The following TCL1B variants were observed in gnomAD, a reference collection of about 807,000 sequenced individuals.
TCL1B encodes T-cell leukemia/lymphoma protein 1B.
In TCL1B, 14 loss-of-function variants were observed where a neutral mutation model predicts 16.9. The ratio of observed to expected loss-of-function variants is 0.83; its 90% confidence interval spans 0.55 to 1.30. TCL1B has a LOEUF of 1.30. Ranked by LOEUF, TCL1B falls within the 50% of genes most tolerant of loss-of-function variation. The pLI, the probability that TCL1B is intolerant of heterozygous loss-of-function variation, is 0.00. For synonymous variants in TCL1B, 79 were observed against 66.6 expected, an observed-to-expected ratio of 1.19 and a Z score of -0.91; for missense variants, 166 against 165.2, an observed-to-expected ratio of 1.00 and a Z score of -0.03.
Position 95,686,692 on chromosome 14 carries a change from G to T in TCL1B, c.162+63G>T, listed in dbSNP as rs1885769038. The T allele has an allele frequency of 6.6e-6, 10 of 1,506,386 alleles. No homozygotes were observed. The East Asian group carries it at 2.1e-4, about 31-fold the overall frequency. 93.3% of individuals were successfully genotyped at this position (1,506,386 alleles called of 1,614,324 possible). On this transcript the variant is annotated intron_variant, in intron 1 of 3. Transcript: ENST00000340722. ...TGCGCACTGACCCCTGCCCGTGTGGGACCGCGGTGGGGGTCAGAGGGGGCC... is the reference window on the plus strand; with the variant it reads ...TGCGCACTGACCCCTGCCCGTGTGGTACCGCGGTGGGGGTCAGAGGGGGCC...
intron 1 of TCL1B, among the ~76,000 whole-genome samples, chr14:95,687,193 ATTAAT>A (rs775649525): frequency 2.0e-5 from 3 of 152,208 alleles, no homozygotes; most frequent in Non-Finnish European, 4.4e-5. Flanking sequence ...GATTCTGGAA[ATTAAT>A]TCAGGAGGCT....
At chr14:95,691,565 C>CATTT (rs1273772708) in intron 3 of TCL1B, 4 of 435,530 alleles carry the variant, frequency 9.2e-6, no homozygotes, top group Non-Finnish European at 1.6e-5. Flanking sequence ...TAAGACTCAT[C>CATTT]ATTTAATCCT....
At chr14:95,688,497 A>G (rs1489687759) in intron 1 of TCL1B, among the ~76,000 whole-genome samples, 1 of 152,238 alleles carries the variant, frequency 6.6e-6, no homozygotes, top group Non-Finnish European at 1.5e-5. Flanking sequence ...TGGTGCAGCC[A>G]CTATGGAAAA....
chr14:95,688,533 A>G (rs1368059402), intron 1 of TCL1B, among the ~76,000 whole-genome samples: 2 of 152,200 alleles, frequency 1.3e-5, no homozygotes, highest in African/African-American at 2.4e-5. Flanking sequence ...TCAAAGAAAG[A>G]ATTACGGCAT....
chr14:95,688,963 C>G (rs1387063015), intron 1 of TCL1B, among the ~76,000 whole-genome samples: 2 of 152,140 alleles, frequency 1.3e-5, no homozygotes, highest in African/African-American at 4.8e-5. Context: ...TTCCACATGT[C>G]AATGCACTTA....
At chr14:95,689,104 G>GA (rs1566740111) in intron 1 of TCL1B, among the ~76,000 whole-genome samples, 6 of 151,862 alleles carry the variant, frequency 4.0e-5, no homozygotes, top group African/African-American at 7.3e-5. Flanking sequence ...GGCTAACACG[G>GA]TGAAACCCCG....
At position 95,690,812 on chromosome 14, in the gene TCL1B, C is replaced by T. The variant is rs780139441; in HGVS notation, c.239C>T (p.Pro80Leu). The T allele has an allele frequency of 1.2e-6, 2 of 1,614,222 alleles. No homozygotes were observed. The highest frequency in any genetic ancestry group is 1.7e-6 in the Non-Finnish European group (2 of 1,180,038). The change falls in exon 2 of 4, where the codon CCC becomes CTC. Residue 80 changes from proline to leucine, a missense_variant. Coordinates refer to ENST00000340722, the MANE Select transcript of TCL1B (RefSeq NM_004918.4). ...GAGCTACTCTCCTCCGGCCAGATGC[C>T]CTTCTCCCAGCTGCCCGCCGTGTGG... The part of the protein sequence containing the change: ...TRELLSSGQM[P>L]FSQLPAVWQL...
intron 1 of TCL1B, among the ~76,000 whole-genome samples, chr14:95,687,428 C>T (rs56111147): frequency 0.42 from 63,378 of 151,950 alleles, 13,832 homozygotes; most frequent in South Asian, 0.56. Flanking sequence ...GTAGTAATTA[C>T]ATATAACCTC....
At chr14:95,686,721 C>T in intron 1 of TCL1B, 92 bp downstream of exon 1, 1 of 1,402,210 alleles carries the variant, frequency 7.1e-7, no homozygotes, top group Non-Finnish European at 9.5e-7. Context: ...GGGGGCCGTT[C>T]TCACCCGCAC....
intron 1 of TCL1B, among the ~76,000 whole-genome samples, chr14:95,688,498 C>T (rs942318695): frequency 1.3e-5 from 2 of 152,146 alleles, no homozygotes; most frequent in African/African-American, 4.8e-5. Flanking sequence ...GGTGCAGCCA[C>T]TATGGAAAAC....
intron 1 of TCL1B, 76 bp from the exon 2 acceptor site, chr14:95,690,660 T>G: frequency 6.7e-7 from 1 of 1,495,982 alleles, no homozygotes; most frequent in Non-Finnish European, 9.1e-7. Context: ...GGCAGCCCAC[T>G]GGCCATTGCT....
At chr14:95,689,383 C>T (rs1260889210) in intron 1 of TCL1B, 5 of 151,758 alleles carry the variant, frequency 3.3e-5, no homozygotes, top group East Asian at 1.9e-4. Flanking sequence ...AACTTAGCCA[C>T]GGGTGGGATA....
At chr14:95,691,157 C>G in intron 2 of TCL1B, 111 bp from the exon 3 acceptor site, 1 of 1,314,038 alleles carries the variant, frequency 7.6e-7, no homozygotes, top group African/African-American at 1.5e-5. Context: ...AGCTGGAGTT[C>G]CCACCTGCCT....
Position 95,686,460 on chromosome 14 carries a change from G to C in TCL1B, c.-8G>C. The C allele has an allele frequency of 6.3e-7, 1 of 1,582,294 alleles. No individual in the cohort carries two copies. The highest frequency in any genetic ancestry group is 1.3e-5 in the African/African-American group (1 of 74,496). The stretch of plus-strand genomic sequence containing the variant: ...AGCCTAGAGGCGGGTCCCGGTTGCA[G>C]ACTTGCCATGGCCTCCGAAGCTTCT... On this transcript the variant is annotated 5_prime_UTR_variant, in exon 1 of 4. Coordinates refer to ENST00000340722, the MANE Select transcript of TCL1B (RefSeq NM_004918.4).
rs1254068213 is a variant in TCL1B, at chr14:95,691,050, T to TG, written c.333+145dup. 2.7e-6 allele frequency: 3 copies of TG among 1,128,142 alleles called. No individual in the cohort carries two copies. In the East Asian group the frequency reaches 7.8e-5, roughly 29 times the overall value. The allele number at this position is 1,128,142 out of a possible 1,614,324, so 69.9% of individuals were successfully genotyped here. Reference sequence around the variant, plus strand: ...AAGTCTTCCTTCAAGGAGGCCTGAGTGTGTGTGGGTGGATCGGTGCATGAG... The same window carrying TG: ...AAGTCTTCCTTCAAGGAGGCCTGAGTGGTGTGTGGGTGGATCGGTGCATGAG... On this transcript the variant is annotated intron_variant, in intron 2 of 3. Transcript: ENST00000340722.
chr14:95,686,482 T>C lies in TCL1B; in HGVS notation c.15T>C (p.Ala5=), dbSNP rs1220456659. 6.2e-7 allele frequency: 1 copy of C among 1,601,724 alleles called. No homozygotes were observed. Among genetic ancestry groups the C allele is most frequent in the East Asian group, 2.2e-5 (1 of 44,744 alleles). MASE[A]SVRLGVPPGR... ...GCAGACTTGCCATGGCCTCCGAAGC[T>C]TCTGTGCGTCTAGGGGTGCCCCCTG... The change falls in exon 1 of 4, where the codon GCT becomes GCC. Residue 5 remains alanine, a synonymous_variant. Transcript: ENST00000340722.
chr14:95,686,593 G>A lies in TCL1B; in HGVS notation c.126G>A (p.Ser42=), dbSNP rs563494390. Reference sequence around the variant, plus strand: ...CTGTGGTCGTGCGGTTCAATCCCTCGCGTAGGGAATGGGCCAGGGCCTCCC... The same window carrying A: ...CTGTGGTCGTGCGGTTCAATCCCTCACGTAGGGAATGGGCCAGGGCCTCCC... ...WVTVVVRFNP[S]RREWARASQG... The change falls in exon 1 of 4, where the codon TCG becomes TCA. Residue 42 remains serine (S), a synonymous_variant. Transcript: ENST00000340722. 69 of 1,613,210 alleles carry A rather than the reference G, an allele frequency of 4.3e-5. No homozygotes were observed. The highest frequency in any genetic ancestry group is 5.4e-5 in the Non-Finnish European group (64 of 1,179,532).
chr14:95,689,126 A>T (rs1885827253), intron 1 of TCL1B, among the ~76,000 whole-genome samples: 1 of 151,758 alleles, frequency 6.6e-6, no homozygotes. Flanking sequence ...CTCTACTAAA[A>T]ATACAAAAAA....
chr14:95,688,884 A>T (rs1885816210), intron 1 of TCL1B, among the ~76,000 whole-genome samples: 4 of 152,240 alleles, frequency 2.6e-5, no homozygotes, highest in Non-Finnish European at 4.4e-5. Flanking sequence ...TGGGAAGTTA[A>T]TGTTAGTAAC....
Sources: allele counts gnomAD v4.1 joint callset (sites outside exome capture counted in the v4.1 genomes callset), GRCh38; gene constraint gnomAD v4.1.1; transcripts MANE v1.5; gene names NCBI Gene and HGNC (gene_info 2026-07-23, HGNC 2026-07-21).